The following NUP35 variants were observed in gnomAD, a reference collection of about 807,000 sequenced individuals.
The protein encoded by NUP35 is nucleoporin 35, also known as nucleoporin NUP35.
NUP35 carries 25 observed loss-of-function variants against 41.5 expected under a neutral mutation model. The ratio of observed to expected loss-of-function variants is 0.60; its 90% confidence interval spans 0.44 to 0.84. NUP35 has a LOEUF of 0.84. NUP35 is among the 40% of genes least tolerant of loss of function. NUP35 has a pLI of 0.00. For missense variants in NUP35, 396 were observed against 396.6 expected, an observed-to-expected ratio of 1.00 and a Z score of 0.01; for synonymous variants, 149 against 130.7, an observed-to-expected ratio of 1.14 and a Z score of -0.96.
chr2:183,130,614 C>T, intron 3 of NUP35, 69 bp downstream of exon 3: 1 of 1,480,732 alleles, frequency 6.8e-7, no homozygotes, highest in Non-Finnish European at 9.3e-7. Flanking sequence ...CAGTGAGAGT[C>T]AATACTTTGA....
chr2:183,159,591 C>T lies in NUP35; in HGVS notation c.842C>T (p.Pro281Leu), dbSNP rs760658484. ...ACACCAACACAACCTGGAAGTACTCCTAGGATTTCTACCATGAGACCTCTT... is the reference window on the plus strand; with the variant it reads ...ACACCAACACAACCTGGAAGTACTCTTAGGATTTCTACCATGAGACCTCTT... ...LGTPTQPGST[P>L]RISTMRPLAT... Residue 281 changes from proline (P) to leucine (L), a missense_variant, in exon 8 of 9, where the codon CCT (proline) becomes CTT (leucine). By Grantham distance (98) the Pro-to-Leu change is moderately conservative. Transcript: ENST00000295119. 30 of 1,613,108 alleles carry T rather than the reference C, an allele frequency of 1.9e-5. No homozygotes were observed. In the East Asian group the frequency reaches 6.5e-4, roughly 35 times the overall value.
intron 4 of NUP35, among the ~76,000 whole-genome samples, chr2:183,135,073 C>A (rs1424187813): frequency 6.6e-6 from 1 of 152,098 alleles, no homozygotes; most frequent in Non-Finnish European, 1.5e-5. Flanking sequence ...CTTTTAAAGA[C>A]CCTTGTGAAT....
Position 183,157,432 on chromosome 2 carries a change from T to C in NUP35, c.540-12T>C. ...GAAGCTGACGTTTTCTTTGGACAAC[T>C]CTTTTTTTCAGGTTTCCTCAAGCAT... On this transcript the variant is annotated splice_polypyrimidine_tract_variant and intron_variant, in intron 5 of 8. Coordinates refer to ENST00000295119, the MANE Select transcript of NUP35 (RefSeq NM_138285.5). The C allele has an allele frequency of 6.3e-7, 1 of 1,599,250 alleles. No homozygotes were observed. Among genetic ancestry groups the C allele is most frequent in the Non-Finnish European group, 8.6e-7 (1 of 1,166,740 alleles).
At chr2:183,150,141 A>G (rs1470363476) in intron 4 of NUP35, among the ~76,000 whole-genome samples, 2 of 152,138 alleles carry the variant, frequency 1.3e-5, no homozygotes, top group Non-Finnish European at 2.9e-5. Context: ...TCCTGACGTC[A>G]TGATCCGCTC....
intron 5 of NUP35, among the ~76,000 whole-genome samples, chr2:183,153,858 G>A (rs967913343): frequency 3.9e-5 from 6 of 152,322 alleles, no homozygotes; most frequent in Middle Eastern, 3.4e-3. Flanking sequence ...CTTCCGCACT[G>A]CCCTAGCGGA....
chr2:183,154,214 G>A (rs1285984303), intron 5 of NUP35, among the ~76,000 whole-genome samples: 1 of 152,160 alleles, frequency 6.6e-6, no homozygotes, highest in Non-Finnish European at 1.5e-5. Flanking sequence ...GTCTTGAAGG[G>A]CTCTGACATG....
intron 3 of NUP35, 133 bp downstream of exon 3, chr2:183,130,678 A>G: frequency 1.0e-6 from 1 of 970,584 alleles, no homozygotes; most frequent in Non-Finnish European, 1.6e-6. Flanking sequence ...AATAAACATT[A>G]AACACATCAT....
intron 5 of NUP35, among the ~76,000 whole-genome samples, chr2:183,155,278 A>G (rs1359540669): frequency 2.6e-5 from 4 of 152,236 alleles, no homozygotes; most frequent in Admixed American, 6.5e-5. Context: ...TATGTATTCA[A>G]TTTATTTAAA....
intron 4 of NUP35, among the ~76,000 whole-genome samples, chr2:183,138,303 TAAGTG>T (rs1264503007): frequency 6.9e-6 from 1 of 145,662 alleles, no homozygotes; most frequent in African/African-American, 2.5e-5. Context: ...TATTTAGTGT[TAAGTG>T]AAGTTTTTTT....
chr2:183,151,398 T>C (rs2105602277), intron 4 of NUP35, 110 bp from the exon 5 acceptor site: 4 of 956,148 alleles, frequency 4.2e-6, no homozygotes, highest in South Asian at 1.6e-5. Context: ...TTGAACTGTT[T>C]ATGTAATTGC....
chr2:183,117,647 C>T (rs988739845), intron 1 of NUP35: 4 of 152,124 alleles, frequency 2.6e-5, no homozygotes, highest in African/African-American at 7.2e-5. Flanking sequence ...TTTTTCTTCA[C>T]TTCAATTTTA....
At chr2:183,124,856 C>T (rs1684384981) in intron 1 of NUP35, among the ~76,000 whole-genome samples, 1 of 152,312 alleles carries the variant, frequency 6.6e-6, no homozygotes, top group South Asian at 2.1e-4. Context: ...GGTTGCTGGT[C>T]CCCAGAAGCA....
rs764620222 is a variant in NUP35 at position 183,128,383 on chromosome 2, C to T, written c.137C>T (p.Pro46Leu). 7.4e-6 allele frequency: 12 copies of T among 1,613,814 alleles called. No homozygotes were observed. Among genetic ancestry groups the T allele is most frequent in the East Asian group, 6.7e-5 (3 of 44,874 alleles). The change falls in exon 2 of 9, where the codon CCG becomes CTG. Residue 46 changes from proline (P) to leucine (L), a missense_variant. By Grantham distance (98) the Pro-to-Leu change is moderately conservative. Transcript: ENST00000295119. ...TTTTTAATGGGGGATTTGCCAGCTCCGGTGACTCCACAACCTCGATCAATT... is the reference window on the plus strand; with the variant it reads ...TTTTTAATGGGGGATTTGCCAGCTCTGGTGACTCCACAACCTCGATCAATT... ...PGFLMGDLPA[P>L]VTPQPRSISG...
chr2:183,138,265 ATATATT>A (rs1684958689), intron 4 of NUP35, among the ~76,000 whole-genome samples: 1 of 69,192 alleles, frequency 1.4e-5, no homozygotes, highest in South Asian at 4.6e-4. Context: ...ATATATATAT[ATATATT>A]TTTTTTTTTT....
At chr2:183,153,591 C>T (rs1481876184) in intron 5 of NUP35, among the ~76,000 whole-genome samples, 3 of 152,202 alleles carry the variant, frequency 2.0e-5, no homozygotes, top group East Asian at 3.9e-4. Context: ...CCTGGTCTCA[C>T]ATCCAGGTCA....
intron 1 of NUP35, among the ~76,000 whole-genome samples, chr2:183,126,215 A>T (rs1221558127): frequency 6.6e-6 from 1 of 152,142 alleles, no homozygotes; most frequent in East Asian, 1.9e-4. Flanking sequence ...TATTTTTGGT[A>T]GAGACAAGGT....
intron 3 of NUP35, chr2:183,130,999 C>T (rs1028654349): frequency 9.8e-7 from 1 of 1,024,246 alleles, no homozygotes; most frequent in East Asian, 6.0e-5. Context: ...TTTTAGGGTC[C>T]CCAACAGGGT....
chr2:183,145,711 C>T (rs1387641910), intron 4 of NUP35, among the ~76,000 whole-genome samples: 1 of 152,140 alleles, frequency 6.6e-6, no homozygotes, highest in African/African-American at 2.4e-5. Context: ...GGACAATAGA[C>T]AAGAACTTTA....
At chr2:183,143,688 G>T (rs1685180008) in intron 4 of NUP35, among the ~76,000 whole-genome samples, 3 of 152,146 alleles carry the variant, frequency 2.0e-5, no homozygotes. Flanking sequence ...ATAAGGAGAG[G>T]CCTGGTCTGT....
Sources: allele counts gnomAD v4.1 joint callset (sites outside exome capture counted in the v4.1 genomes callset), GRCh38; gene constraint gnomAD v4.1.1; transcripts MANE v1.5; gene names NCBI Gene and HGNC (gene_info 2026-07-23, HGNC 2026-07-21).